TPI1: variants seen among roughly 807,000 people sequenced by gnomAD.
TPI1 encodes triosephosphate isomerase.
TPI1 carries 11 observed loss-of-function variants against 31.0 expected under a neutral mutation model. That is an observed-to-expected ratio of 0.36 (90% CI 0.22 to 0.59). The LOEUF is 0.59. Ranked by LOEUF, TPI1 falls within the 20% of genes least tolerant of loss-of-function variation. The pLI is 0.79. For missense variants in TPI1, 245 were observed against 319.7 expected, an observed-to-expected ratio of 0.77 and a Z score of 1.78; for synonymous variants, 121 against 122.8, an observed-to-expected ratio of 0.99 and a Z score of 0.10.
At chr12:6,869,040 T>A in intron 2 of TPI1, 53 bp downstream of exon 2, 1 of 1,614,084 alleles carries the variant, frequency 6.2e-7, no homozygotes, top group Non-Finnish European at 8.5e-7. Flanking sequence ...CTTTCCTCGT[T>A]GAGGGGAAAG....
chr12:6,870,019 G>A (rs1944551644), intron 5 of TPI1, 30 bp from the exon 6 acceptor site: 5 of 1,613,026 alleles, frequency 3.1e-6, no homozygotes, highest in Non-Finnish European at 1.7e-6. Flanking sequence ...AGGCAGAAAA[G>A]GTCTTACTTA....
chr12:6,867,828 C>T (rs1944491528), intron 1 of TPI1, 147 bp downstream of exon 1: 4 of 893,600 alleles, frequency 4.5e-6, no homozygotes, highest in South Asian at 2.1e-5. Context: ...CGCTGGGGTC[C>T]GGGCAGGGGC....
upstream of TPI1, chr12:6,867,520 C>G (rs370795160): frequency 1.9e-6 from 3 of 1,594,936 alleles, no homozygotes; most frequent in Non-Finnish European, 2.6e-6. Flanking sequence ...GGGCAGTGGC[C>G]GCGACTGCGC....
chr12:6,870,603 G>A lies in TPI1; in HGVS notation c.*220G>A, dbSNP rs370177231. On this transcript the variant is annotated 3_prime_UTR_variant, in exon 7 of 7. Coordinates refer to ENST00000396705, the MANE Select transcript of TPI1 (RefSeq NM_000365.6). ...CTTACTATAATGGTTGGAACTAAAC[G>A]TCACCAAGGTGGCTTCTCCTTGGCT... 109 of 715,116 alleles carry A rather than the reference G, an allele frequency of 1.5e-4. No individual in the cohort carries two copies. The highest frequency in any genetic ancestry group is 7.2e-4 in the African/African-American group (42 of 58,030). The allele number at this position is 715,116 out of a possible 1,614,324, so 44.3% of individuals were successfully genotyped here. A position where few individuals can be genotyped will look rare whatever the true frequency, so the allele number is the denominator to read the frequency against.
intron 1 of TPI1, 136 bp downstream of exon 1, chr12:6,867,817 C>A: frequency 1.0e-6 from 1 of 976,024 alleles, no homozygotes; most frequent in Non-Finnish European, 1.4e-6. Flanking sequence ...GGGACGAGGG[C>A]CGCTGGGGTC....
At position 6,869,287 on chromosome 12, in the gene TPI1, G is replaced by A. The variant is rs1944529423; in HGVS notation, c.354G>A (p.Leu118=). The A allele has an allele frequency of 7.4e-6, 12 of 1,613,960 alleles. No homozygotes were observed. Among genetic ancestry groups the A allele is most frequent in the Non-Finnish European group, 9.3e-6 (11 of 1,179,936 alleles). The stretch of plus-strand genomic sequence containing the variant: ...TTGGGCAGAAAGTGGCCCATGCTCT[G>A]GCAGAGGGACTCGGAGTAATCGCCT... ...ELIGQKVAHA[L]AEGLGVIACI... Residue 118 remains leucine, a synonymous_variant, in exon 4 of 7, where the codon CTG becomes CTA. Coordinates refer to ENST00000396705, the MANE Select transcript of TPI1 (RefSeq NM_000365.6).
rs1278473718 is a variant in TPI1 at position 6,870,227 on chromosome 12, C to A, written c.632-38C>A. ...GAGGTGGGGATGGGGCAGACTCATC[C>A]CATTCTTGACCAAGCCCTTGTTCTG... On this transcript the variant is annotated intron_variant, in intron 6 of 6. Transcript: ENST00000396705. The A allele has an allele frequency of 1.9e-6, 3 of 1,605,410 alleles. No homozygotes were observed. In the African/African-American group the frequency reaches 4.0e-5, roughly 21 times the overall value.
intron 6 of TPI1, 34 bp from the exon 7 acceptor site, chr12:6,870,231 T>A: frequency 3.1e-6 from 5 of 1,608,736 alleles, no homozygotes; most frequent in Non-Finnish European, 4.3e-6. Flanking sequence ...CTCATCCCAT[T>A]CTTGACCAAG....
Position 6,869,743 on chromosome 12 carries a change from T to C in TPI1, c.513T>C (p.Ile171=). The part of the protein sequence containing the change: ...VVLAYEPVWA[I]GTGKTATPQQ... Reference sequence around the variant, plus strand: ...TGGCCTATGAGCCTGTGTGGGCCATTGGTACTGGCAAGACTGCAACACCCC... The same window carrying C: ...TGGCCTATGAGCCTGTGTGGGCCATCGGTACTGGCAAGACTGCAACACCCC... Residue 171 remains isoleucine, a synonymous_variant, in exon 5 of 7, where the codon ATT becomes ATC. Transcript: ENST00000396705. 2 of 1,614,214 alleles carry C rather than the reference T, an allele frequency of 1.2e-6. No individual in the cohort carries two copies. Among genetic ancestry groups the C allele is most frequent in the Non-Finnish European group, 1.7e-6 (2 of 1,180,026 alleles).
rs1555132780 is a variant in TPI1, at chr12:6,870,552, T to C, written c.*169T>C. The C allele has an allele frequency of 2.6e-6, 2 of 772,418 alleles. No individual in the cohort carries two copies. The highest frequency in any genetic ancestry group is 1.7e-5 in the African/African-American group (1 of 59,004). 47.8% of individuals were successfully genotyped at this position (772,418 alleles called of 1,614,324 possible). Reference sequence around the variant, plus strand: ...TGTTTATATCTTCACCCTGTAATGGTTGGGACCAGGCCAATCCCTTCTCCA... The same window carrying C: ...TGTTTATATCTTCACCCTGTAATGGCTGGGACCAGGCCAATCCCTTCTCCA... On this transcript the variant is annotated 3_prime_UTR_variant, in exon 7 of 7. Coordinates refer to ENST00000396705, the MANE Select transcript of TPI1 (RefSeq NM_000365.6).
At chr12:6,868,443 C>A (rs1368127087) in intron 1 of TPI1, 1 of 1,290,334 alleles carries the variant, frequency 7.7e-7, no homozygotes, top group African/African-American at 1.5e-5. Context: ...TCCCCAGAGG[C>A]CTCAATACAA....
rs782569395 is a variant in TPI1, at chr12:6,869,129, G to T, written c.270G>T (p.Thr90=). 30 of 1,614,110 alleles carry T rather than the reference G, an allele frequency of 1.9e-5. No homozygotes were observed. The highest frequency in any genetic ancestry group is 5.5e-5 in the South Asian group (5 of 91,090). ...SPGMIKDCGA[T]WVVLGHSERR... The stretch of plus-strand genomic sequence containing the variant: ...GCATGATCAAAGACTGCGGAGCCAC[G>T]TGGGTGGTCCTGGGGCACTCAGAGA... Residue 90 remains threonine, a synonymous_variant, in exon 3 of 7, where the codon ACG becomes ACT. Transcript: ENST00000396705.
At chr12:6,868,524 T>G in intron 1 of TPI1, 1 of 1,276,004 alleles carries the variant, frequency 7.8e-7, no homozygotes, top group African/African-American at 1.5e-5. Context: ...GGATGGGCTA[T>G]TTTAGAAGGG....
At position 6,869,174 on chromosome 12, in the gene TPI1, G is replaced by C. The variant is rs121964845; in HGVS notation, c.315G>C (p.Glu105Asp). 409 of 1,614,110 alleles carry C rather than the reference G, an allele frequency of 2.5e-4. No individual in the cohort carries two copies. Among genetic ancestry groups the C allele is most frequent in the Non-Finnish European group, 3.3e-4 (391 of 1,180,048 alleles). Residue 105 changes from glutamate to aspartate, a missense_variant, in exon 3 of 7, where the codon GAG becomes GAC. Physicochemically the swap from Glu to Asp is conservative, Grantham distance 45 (BLOSUM62 2). This residue lies in a region of TPI1 where 23 missense variants were observed against 59.6 expected (regional missense o/e 0.39). Coordinates refer to ENST00000396705, the MANE Select transcript of TPI1 (RefSeq NM_000365.6). Reference sequence around the variant, plus strand: ...CAGAGAGAAGGCATGTCTTTGGGGAGTCAGATGAGGTTAGTAGCCAAGAGA... The same window carrying C: ...CAGAGAGAAGGCATGTCTTTGGGGACTCAGATGAGGTTAGTAGCCAAGAGA... ...GHSERRHVFG[E>D]SDELIGQKVA...
chr12:6,869,070 C>T, intron 2 of TPI1, 29 bp from the exon 3 acceptor site: 1 of 1,614,194 alleles, frequency 6.2e-7, no homozygotes, highest in Non-Finnish European at 8.5e-7. Flanking sequence ...GGGCTCCCTG[C>T]TGAACCTTGG....
At position 6,868,906 on chromosome 12, in the gene TPI1, G is replaced by T; in HGVS notation, c.158G>T (p.Arg53Leu). The change falls in exon 2 of 7, where the codon CGG (arginine) becomes CTG (leucine). Residue 53 changes from arginine (R) to leucine (L), a missense_variant. Physicochemically the swap from Arg to Leu is moderately radical, Grantham distance 102 (BLOSUM62 -2). Coordinates refer to ENST00000396705, the MANE Select transcript of TPI1 (RefSeq NM_000365.6). Reference sequence around the variant, plus strand: ...CCTACTGCCTATATCGACTTCGCCCGGCAGAAGCTAGATCCCAAGATTGCT... The same window carrying T: ...CCTACTGCCTATATCGACTTCGCCCTGCAGAAGCTAGATCCCAAGATTGCT... The part of the protein sequence containing the change: ...APPTAYIDFA[R>L]QKLDPKIAVA... 1 of 1,613,988 alleles carries T rather than the reference G, an allele frequency of 6.2e-7. No individual in the cohort carries two copies. Among genetic ancestry groups the T allele is most frequent in the Admixed American group, 1.7e-5 (1 of 59,998 alleles).
intron 1 of TPI1, chr12:6,868,249 T>G (rs1405244933): frequency 4.7e-6 from 6 of 1,287,472 alleles, no homozygotes; most frequent in Non-Finnish European, 5.1e-6. Flanking sequence ...GGCTGAGCGA[T>G]TTGGGAGTGA....
chr12:6,869,250 C>T lies in TPI1; in HGVS notation c.325-8C>T, dbSNP rs1944528433. 1 of 1,614,110 alleles carries T rather than the reference C, an allele frequency of 6.2e-7. No homozygotes were observed. Among genetic ancestry groups the T allele is most frequent in the Non-Finnish European group, 8.5e-7 (1 of 1,179,966 alleles). ...GAAGGATGTCTCACCAAGTCTGTTT[C>T]TCAACAGCTGATTGGGCAGAAAGTG... On this transcript the variant is annotated splice_region_variant and splice_polypyrimidine_tract_variant and intron_variant, in intron 3 of 6. Coordinates refer to ENST00000396705, the MANE Select transcript of TPI1 (RefSeq NM_000365.6).
At chr12:6,869,848 C>G in intron 5 of TPI1, 75 bp downstream of exon 5, 1 of 1,526,580 alleles carries the variant, frequency 6.6e-7, no homozygotes, top group Non-Finnish European at 9.1e-7. Flanking sequence ...CCACATGGGG[C>G]AACCCCTTAT....
Sources: gnomAD v4.1 joint callset for allele counts on GRCh38, gnomAD v4.1.1 for gene constraint, gnomAD v4.1.1 regional missense constraint, MANE v1.5 for transcripts, NCBI Gene and HGNC (gene_info 2026-07-23, HGNC 2026-07-21) for gene names.